Variants in PRRX1 observed in about 807,000 individuals in gnomAD.
The protein encoded by PRRX1 is paired related homeobox 1.
PRRX1 carries 8 observed loss-of-function variants against 24.0 expected under a neutral mutation model. The observed-to-expected ratio is 0.33, with a 90% CI of 0.20 to 0.60. The LOEUF is 0.60. Ranked by LOEUF, PRRX1 falls within the 20% of genes least tolerant of loss-of-function variation. The pLI is 0.82. For synonymous variants in PRRX1, 160 were observed against 131.7 expected, an observed-to-expected ratio of 1.22 and a Z score of -1.47; for missense variants, 281 against 322.4, an observed-to-expected ratio of 0.87 and a Z score of 0.98.
At chr1:170,683,766 C>T (rs1395684252) in intron 1 of PRRX1, among the ~76,000 whole-genome samples, 1 of 152,182 alleles carries the variant, frequency 6.6e-6, no homozygotes, top group Non-Finnish European at 1.5e-5. Context: ...GACTGCAATT[C>T]AGATATGTGA....
At chr1:170,683,041 A>G (rs1389491335) in intron 1 of PRRX1, among the ~76,000 whole-genome samples, 1 of 152,222 alleles carries the variant, frequency 6.6e-6, no homozygotes, top group Non-Finnish European at 1.5e-5. Context: ...TCAGAGAGAT[A>G]TGTAGGGGCT....
chr1:170,726,323 C>T lies in PRRX1; in HGVS notation c.521C>T (p.Ala174Val). ...AAATCCTACTCAGGAGACGTGACTG[C>T]TGTGGAGCAGCCCATCGTACCTCGT... ...LLKSYSGDVT[A>V]VEQPIVPRPA... Residue 174 changes from alanine to valine, a missense_variant, in exon 3 of 4, where the codon GCT becomes GTT. By Grantham distance (64) the Ala-to-Val change is moderately conservative (BLOSUM62 0). Coordinates refer to ENST00000239461, the MANE Select transcript of PRRX1 (RefSeq NM_022716.4). 1 of 1,614,126 alleles carries T rather than the reference C, an allele frequency of 6.2e-7. No individual in the cohort carries two copies. The highest frequency in any genetic ancestry group is 8.5e-7 in the Non-Finnish European group (1 of 1,179,992).
At chr1:170,707,200 T>A (rs892029504) in intron 1 of PRRX1, among the ~76,000 whole-genome samples, 20 of 151,938 alleles carry the variant, frequency 1.3e-4, no homozygotes, top group African/African-American at 4.8e-4. Context: ...ATCCTTCTAG[T>A]CAAGAAGCTT....
chr1:170,736,129 G>A lies in PRRX1; in HGVS notation c.681G>A (p.Leu227=). The part of the protein sequence containing the change: ...GINMANSIAN[L]RLKAKEYSLQ... ...ACATGGCCAACAGCATTGCCAACCT[G>A]AGACTGAAGGCCAAGGAATATAGTT... The change falls in exon 4 of 4, where the codon CTG becomes CTA. Residue 227 remains leucine, a synonymous_variant. Coordinates refer to ENST00000239461, the MANE Select transcript of PRRX1 (RefSeq NM_022716.4). The A allele has an allele frequency of 6.2e-7, 1 of 1,614,152 alleles. No homozygotes were observed. Among genetic ancestry groups the A allele is most frequent in the Non-Finnish European group, 8.5e-7 (1 of 1,180,024 alleles).
chr1:170,699,977 C>T (rs1654301258), intron 1 of PRRX1, among the ~76,000 whole-genome samples: 1 of 152,140 alleles, frequency 6.6e-6, no homozygotes, highest in South Asian at 2.1e-4. Flanking sequence ...CAGCCTCAAC[C>T]TCTCAAAGTA....
At chr1:170,681,874 T>C (rs1653558042) in intron 1 of PRRX1, among the ~76,000 whole-genome samples, 1 of 152,226 alleles carries the variant, frequency 6.6e-6, no homozygotes, top group South Asian at 2.1e-4. Context: ...AGGGGACAGG[T>C]TCAACATTTC....
At chr1:170,723,341 T>C (rs1035689360) in intron 2 of PRRX1, among the ~76,000 whole-genome samples, 7 of 151,024 alleles carry the variant, frequency 4.6e-5, no homozygotes, top group Admixed American at 1.3e-4. Flanking sequence ...AATTTTCTTC[T>C]CCCATACCTT....
intron 1 of PRRX1, among the ~76,000 whole-genome samples, chr1:170,688,467 T>C (rs995073873): frequency 6.6e-6 from 1 of 152,106 alleles, no homozygotes; most frequent in Non-Finnish European, 1.5e-5. Flanking sequence ...TTCTAACTTT[T>C]AATATCCTTG....
chr1:170,682,174 C>T (rs554088045), intron 1 of PRRX1, among the ~76,000 whole-genome samples: 30 of 152,216 alleles, frequency 2.0e-4, no homozygotes, highest in African/African-American at 7.2e-4. Flanking sequence ...TCTCTCTTTA[C>T]TGGTATAGGA....
chr1:170,670,733 G>A (rs766751813), intron 1 of PRRX1, among the ~76,000 whole-genome samples: 9 of 152,108 alleles, frequency 5.9e-5, no homozygotes, highest in Non-Finnish European at 1.3e-4. Flanking sequence ...CCATGTTAGC[G>A]TAGGGGAGGG....
intron 1 of PRRX1, among the ~76,000 whole-genome samples, chr1:170,679,771 A>G (rs981048991): frequency 7.2e-6 from 1 of 139,848 alleles, no homozygotes; most frequent in African/African-American, 3.3e-5. Context: ...AAGAAAAAAC[A>G]TGTGTCAAAG....
chr1:170,733,252 G>A (rs547080996), intron 3 of PRRX1, among the ~76,000 whole-genome samples: 9 of 152,082 alleles, frequency 5.9e-5, no homozygotes, highest in Non-Finnish European at 7.4e-5. Context: ...ACTTGTAATC[G>A]TTATTATAGG....
At chr1:170,729,617 A>T (rs963840347) in intron 3 of PRRX1, among the ~76,000 whole-genome samples, 2 of 152,210 alleles carry the variant, frequency 1.3e-5, no homozygotes, top group Admixed American at 6.5e-5. Context: ...CAACAGGTAT[A>T]AGCCAGGATT....
intron 1 of PRRX1, among the ~76,000 whole-genome samples, chr1:170,679,181 T>C (rs1028831296): frequency 6.6e-6 from 1 of 152,170 alleles, no homozygotes; most frequent in Non-Finnish European, 1.5e-5. Context: ...AGTTTAAGCC[T>C]CAGAGCACTT....
chr1:170,672,397 A>G (rs1653173209), intron 1 of PRRX1, among the ~76,000 whole-genome samples: 1 of 152,244 alleles, frequency 6.6e-6, no homozygotes. Flanking sequence ...TGTTCACTAG[A>G]AACAGGAGCA....
intron 1 of PRRX1, among the ~76,000 whole-genome samples, chr1:170,689,718 G>A (rs1288006517): frequency 2.0e-5 from 3 of 151,954 alleles, no homozygotes; most frequent in African/African-American, 7.2e-5. Context: ...ACCAGGTGGC[G>A]ATATGGAGTG....
chr1:170,686,911 C>T (rs1653763364), intron 1 of PRRX1, among the ~76,000 whole-genome samples: 1 of 151,932 alleles, frequency 6.6e-6, no homozygotes, highest in South Asian at 2.1e-4. Flanking sequence ...ATGGTTATGC[C>T]TTGCCTCTCT....
intron 1 of PRRX1, among the ~76,000 whole-genome samples, chr1:170,706,708 T>C (rs923865298): frequency 6.6e-6 from 1 of 152,186 alleles, no homozygotes; most frequent in Non-Finnish European, 1.5e-5. Flanking sequence ...CAAGTTTTGA[T>C]ATAAAAAATG....
upstream of PRRX1, chr1:170,663,930 G>A (rs1169837370): frequency 7.1e-6 from 3 of 425,514 alleles, no homozygotes; most frequent in Admixed American, 3.7e-5. Context: ...TTTTACTGTG[G>A]ATTATCTCTT....
Sources: gnomAD v4.1 joint callset for allele counts (sites outside exome capture counted in the v4.1 genomes callset) on GRCh38, gnomAD v4.1.1 for gene constraint, MANE v1.5 for transcripts, NCBI Gene and HGNC (gene_info 2026-07-23, HGNC 2026-07-21) for gene names.